Variants in ROBO2 observed in about 807,000 individuals in gnomAD.
ROBO2 encodes roundabout guidance receptor 2.
A neutral mutation model predicts 160.8 loss-of-function variants in ROBO2; 53 were observed. The ratio of observed to expected loss-of-function variants is 0.33; its 90% CI spans 0.26 to 0.41. The LOEUF is 0.41. Ranked by LOEUF, ROBO2 falls within the 10% of genes least tolerant of loss-of-function variation. ROBO2 has a pLI of 1.00. For missense variants in ROBO2, 1,577 were observed against 1,722.4 expected, an observed-to-expected ratio of 0.92 and a Z score of 1.49; for synonymous variants, 664 against 611.7, an observed-to-expected ratio of 1.09 and a Z score of -1.26.
intron 5 of ROBO2, among the ~76,000 whole-genome samples, chr3:77,502,334 T>C (rs2087738191): frequency 6.6e-6 from 1 of 152,320 alleles, no homozygotes; most frequent in East Asian, 1.9e-4. Flanking sequence ...TGTTAAAGTT[T>C]TGAAAATTTT....
intron 2 of ROBO2, among the ~76,000 whole-genome samples, chr3:76,391,996 A>T (rs2077176800): frequency 6.6e-6 from 1 of 152,324 alleles, no homozygotes; most frequent in East Asian, 1.9e-4. Context: ...AAGCATTGTG[A>T]ATAGAAAAAT....
chr3:76,656,940 GCTCT>G (rs1454590288), intron 2 of ROBO2, among the ~76,000 whole-genome samples: 3 of 151,982 alleles, frequency 2.0e-5, no homozygotes, highest in Non-Finnish European at 2.9e-5. Context: ...TCTTTAACTG[GCTCT>G]CTATTTAGTC....
chr3:76,697,956 T>G (rs2107378210), intron 2 of ROBO2, among the ~76,000 whole-genome samples: 1 of 152,282 alleles, frequency 6.6e-6, no homozygotes, highest in Admixed American at 6.5e-5. Flanking sequence ...TCCTCTATTT[T>G]ATTCATTGGT....
Position 76,141,060 on chromosome 3 carries a change from C to CATACATATATATATAT in ROBO2, c.109+203461_109+203462insCATATATATATATATA, listed in dbSNP as rs1553656032. On this transcript the variant is annotated intron_variant, in intron 2 of 26. Transcript: ENST00000487694. Reference sequence around the variant, plus strand: ...ACACACACAGATGTCTTTTTACATACATATATATATATATATAAAATATAT... The same window carrying CATACATATATATATAT: ...ACACACACAGATGTCTTTTTACATACATACATATATATATATATATATATATATATATAAAATATAT... Among the ~76,000 whole-genome samples the CATACATATATATATAT allele has an allele frequency of 1.3e-4, 7 of 53,588 alleles. 1 individual carries two copies. In the East Asian group the frequency reaches 5.5e-3, roughly 42 times the overall value. 35.2% of individuals were successfully genotyped at this position (53,588 alleles called of 152,430 possible).
At chr3:76,397,873 G>C (rs1291333587) in intron 2 of ROBO2, among the ~76,000 whole-genome samples, 1 of 151,662 alleles carries the variant, frequency 6.6e-6, no homozygotes, top group East Asian at 1.9e-4. Flanking sequence ...TTACACTGTT[G>C]GTGGGACTGT....
intron 2 of ROBO2, among the ~76,000 whole-genome samples, chr3:76,914,333 T>G (rs1004781323): frequency 6.6e-6 from 1 of 152,170 alleles, no homozygotes; most frequent in African/African-American, 2.4e-5. Flanking sequence ...CCCTTTCAAG[T>G]TCACTAAACT....
At chr3:76,694,324 C>T (rs1035650231) in intron 2 of ROBO2, among the ~76,000 whole-genome samples, 1 of 152,148 alleles carries the variant, frequency 6.6e-6, no homozygotes, top group Admixed American at 6.6e-5. Flanking sequence ...TAGTTATTCT[C>T]GCCAAGAGAT....
intron 2 of ROBO2, among the ~76,000 whole-genome samples, chr3:76,773,830 G>A (rs2062064399): frequency 6.6e-6 from 1 of 150,628 alleles, no homozygotes; most frequent in African/African-American, 2.4e-5. Flanking sequence ...GCCCTGGGAA[G>A]AATACAAAGA....
At chr3:76,844,530 G>A (rs2068603282) in intron 2 of ROBO2, among the ~76,000 whole-genome samples, 1 of 151,880 alleles carries the variant, frequency 6.6e-6, no homozygotes, top group African/African-American at 2.4e-5. Flanking sequence ...GTAACATTGT[G>A]TACTTGAGCC....
At chr3:76,739,353 C>A (rs1001144327) in intron 2 of ROBO2, among the ~76,000 whole-genome samples, 1 of 151,982 alleles carries the variant, frequency 6.6e-6, no homozygotes, top group African/African-American at 2.4e-5. Flanking sequence ...AATTGGAAAT[C>A]ATCATTCTCA....
intron 2 of ROBO2, among the ~76,000 whole-genome samples, chr3:76,949,067 T>G (rs2078796809): frequency 6.6e-6 from 1 of 151,098 alleles, no homozygotes; most frequent in African/African-American, 2.4e-5. Flanking sequence ...TAAATTTTCA[T>G]GTCTAATCTT....
intron 2 of ROBO2, among the ~76,000 whole-genome samples, chr3:77,202,641 A>T (rs2151028110): frequency 6.6e-6 from 1 of 151,586 alleles, no homozygotes; most frequent in Admixed American, 6.6e-5. Flanking sequence ...TTATTACTTG[A>T]CTCCCCGACT....
intron 2 of ROBO2, among the ~76,000 whole-genome samples, chr3:76,047,587 T>A (rs1240365840): frequency 6.6e-6 from 1 of 152,214 alleles, no homozygotes; most frequent in Non-Finnish European, 1.5e-5. Context: ...CTTCTGGGAT[T>A]TCTGCGTGAT....
intron 2 of ROBO2, among the ~76,000 whole-genome samples, chr3:77,313,518 C>A (rs937447071): frequency 2.6e-5 from 4 of 152,110 alleles, no homozygotes; most frequent in African/African-American, 7.2e-5. Flanking sequence ...TCTTCCTATC[C>A]CTGCTTTCCC....
intron 23 of ROBO2, chr3:77,629,701 A>G (rs576580378): frequency 6.6e-6 from 1 of 152,322 alleles, no homozygotes; most frequent in East Asian, 1.9e-4. Flanking sequence ...TCCTTATTTA[A>G]TAAACTTTCT....
intron 2 of ROBO2, among the ~76,000 whole-genome samples, chr3:75,947,366 C>T (rs72888460): frequency 2.4e-4 from 37 of 152,062 alleles, no homozygotes; most frequent in African/African-American, 8.5e-4. Context: ...CAAACTATTA[C>T]AGCCCATGAG....
intron 2 of ROBO2, among the ~76,000 whole-genome samples, chr3:76,338,027 A>G (rs556424883): frequency 6.6e-4 from 100 of 152,268 alleles, no homozygotes; most frequent in Admixed American, 1.4e-3. Flanking sequence ...CCACACTGTG[A>G]TGATGGTTAC....
At chr3:77,574,822 G>T (rs913439375) in intron 14 of ROBO2, 92 bp downstream of exon 15, 6 of 921,512 alleles carry the variant, frequency 6.5e-6, no homozygotes, top group Middle Eastern at 2.5e-4. Flanking sequence ...AGAATGGAAA[G>T]ATATCACCTA....
chr3:76,429,549 G>T (rs890703252), intron 2 of ROBO2, among the ~76,000 whole-genome samples: 1 of 152,256 alleles, frequency 6.6e-6, no homozygotes, highest in East Asian at 1.9e-4. Flanking sequence ...TCAGAAAAAT[G>T]TATGTTATTC....
Sources: gnomAD v4.1 joint callset for allele counts (sites outside exome capture counted in the v4.1 genomes callset) on GRCh38, gnomAD v4.1.1 for gene constraint, MANE v1.5 for transcripts, NCBI Gene and HGNC (gene_info 2026-07-23, HGNC 2026-07-21) for gene names.